Variants in SDCBP observed in about 807,000 individuals in gnomAD.
The protein encoded by SDCBP is syndecan binding protein.
Under a neutral mutation model 30.5 loss-of-function variants are expected in SDCBP, and 22 were observed. That is an observed-to-expected ratio of 0.72 (90% CI 0.52 to 1.03). The LOEUF (loss-of-function observed/expected upper bound fraction) is 1.03, where lower values mean the gene tolerates loss of function less well. Ranked by LOEUF, SDCBP falls within the 50% of genes least tolerant of loss-of-function variation. The pLI is 0.00. For missense variants in SDCBP, 304 were observed against 369.9 expected (o/e 0.82, Z 1.46); for synonymous variants, 103 against 118.7 (o/e 0.87, Z 0.86).
chr8:58,571,480 A>G (rs1805021017), intron 3 of SDCBP, among the ~76,000 whole-genome samples: 1 of 152,186 alleles, frequency 6.6e-6, no homozygotes, highest in Admixed American at 6.5e-5. Flanking sequence ...GAGCTCCTAA[A>G]TACTATGACT....
rs145402264 is a variant in SDCBP, at chr8:58,575,689, A to C, written c.241-211A>C. ...TCAAAGGGCAACAGAGAGTCATTGA[A>C]TCTATTAGAGATGATATGTGTGGGA... On this transcript the variant is annotated intron_variant, in intron 4 of 8. Coordinates refer to ENST00000260130, the MANE Select transcript of SDCBP (RefSeq NM_005625.4). 4.6e-3 allele frequency among the ~76,000 whole-genome samples: 698 copies of C among 152,328 alleles called. 6 individuals carry two copies. Among genetic ancestry groups the C allele is most frequent in the African/African-American group, 0.016 (663 of 41,574 alleles).
At chr8:58,571,640 C>T (rs1774970672) in intron 3 of SDCBP, among the ~76,000 whole-genome samples, 1 of 151,754 alleles carries the variant, frequency 6.6e-6, no homozygotes, top group Non-Finnish European at 1.5e-5. Flanking sequence ...TAGTATATAA[C>T]TACTAATAAG....
chr8:58,576,181 AT>A, intron 5 of SDCBP, 120 bp downstream of exon 5: 1 of 778,630 alleles, frequency 1.3e-6, no homozygotes, highest in Non-Finnish European at 2.0e-6. Context: ...AGTTGAGAAT[AT>A]TTTAAATCTA....
intron 5 of SDCBP, among the ~76,000 whole-genome samples, chr8:58,576,601 A>T (rs906622500): frequency 1.1e-4 from 17 of 152,170 alleles, no homozygotes; most frequent in Non-Finnish European, 2.5e-4. Context: ...ATTTGAATTT[A>T]ATATGTCATT....
intron 2 of SDCBP, among the ~76,000 whole-genome samples, chr8:58,567,571 T>C (rs944571987): frequency 6.6e-6 from 1 of 152,222 alleles, no homozygotes; most frequent in Non-Finnish European, 1.5e-5. Flanking sequence ...TTATATGTTC[T>C]GTGGATTTTG....
chr8:58,562,665 G>A (rs552933618), intron 1 of SDCBP, among the ~76,000 whole-genome samples: 3 of 152,200 alleles, frequency 2.0e-5, no homozygotes, highest in African/African-American at 7.2e-5. Context: ...ACCACACACC[G>A]TGTACAAAAT....
In SDCBP at chr8:58,573,884, G is replaced by T. The variant is rs532817306; in HGVS notation, c.240+1570G>T. On this transcript the variant is annotated intron_variant, in intron 4 of 8. Transcript: ENST00000260130. ...TATCCACACACTTGTACAAACATTT[G>T]AATTTCATGTGACAACAACAACAAC... 2.0e-5 allele frequency among the ~76,000 whole-genome samples: 3 copies of T among 152,208 alleles called. No individual in the cohort carries two copies. The South Asian group carries it at 6.2e-4, about 32-fold the overall frequency.
At chr8:58,557,791 GT>G (rs1189940143) in intron 1 of SDCBP, among the ~76,000 whole-genome samples, 1 of 152,140 alleles carries the variant, frequency 6.6e-6, no homozygotes, top group East Asian at 1.9e-4. Context: ...CCCTTAAAGA[GT>G]AGTGGGAGTT....
intron 8 of SDCBP, among the ~76,000 whole-genome samples, chr8:58,580,902 A>T (rs1805651818): frequency 6.6e-6 from 1 of 152,178 alleles, no homozygotes; most frequent in African/African-American, 2.4e-5. Flanking sequence ...AGTGCAATTG[A>T]CTGCAGTTGC....
At chr8:58,569,322 C>T (rs1804891251) in intron 2 of SDCBP, among the ~76,000 whole-genome samples, 1 of 152,190 alleles carries the variant, frequency 6.6e-6, no homozygotes, top group Non-Finnish European at 1.5e-5. Context: ...CCCACCTCAG[C>T]CTACCAAAGT....
intron 1 of SDCBP, among the ~76,000 whole-genome samples, chr8:58,559,320 T>G (rs1286406388): frequency 1.3e-5 from 2 of 152,210 alleles, no homozygotes; most frequent in Non-Finnish European, 2.9e-5. Context: ...AACATTCTTT[T>G]CAGTGCATTT....
At chr8:58,553,947 A>G (rs774158837) in intron 1 of SDCBP, among the ~76,000 whole-genome samples, 1 of 152,158 alleles carries the variant, frequency 6.6e-6, no homozygotes, top group East Asian at 1.9e-4. Context: ...TTAGAAGGAA[A>G]TACCCCTGAG....
At chr8:58,557,136 T>C (rs1804169547) in intron 1 of SDCBP, among the ~76,000 whole-genome samples, 1 of 108,724 alleles carries the variant, frequency 9.2e-6, no homozygotes, top group Non-Finnish European at 1.7e-5. Flanking sequence ...TAGTATATAT[T>C]ATATACAATA....
intron 5 of SDCBP, 92 bp downstream of exon 5, chr8:58,576,153 T>G: frequency 1.1e-6 from 1 of 916,260 alleles, no homozygotes; most frequent in East Asian, 2.6e-5. Flanking sequence ...AATGCTTTAA[T>G]TATAATAGTG....
chr8:58,581,078 T>C (rs1026148729), intron 8 of SDCBP, among the ~76,000 whole-genome samples: 3 of 152,174 alleles, frequency 2.0e-5, no homozygotes, highest in Non-Finnish European at 4.4e-5. Flanking sequence ...GAACTGAGGA[T>C]TAGAAAGCCA....
chr8:58,561,106 A>G (rs1804417471), intron 1 of SDCBP: 1 of 152,152 alleles, frequency 6.6e-6, no homozygotes, highest in African/African-American at 2.4e-5. Flanking sequence ...TTACTAGAGG[A>G]GTTTAGCAGC....
At chr8:58,572,176 GC>G (rs1805062712) in intron 3 of SDCBP, 28 bp from the exon 4 acceptor site, 1 of 1,366,376 alleles carries the variant, frequency 7.3e-7, no homozygotes. Flanking sequence ...TTCTGTAAGT[GC>G]TTTTTAATTT....
At chr8:58,574,234 T>C (rs1053165710) in intron 4 of SDCBP, among the ~76,000 whole-genome samples, 6 of 152,138 alleles carry the variant, frequency 3.9e-5, no homozygotes, top group Admixed American at 3.9e-4. Context: ...CCCTTCTAAG[T>C]ATTCACATTC....
chr8:58,568,755 A>C (rs1233509532), intron 2 of SDCBP, among the ~76,000 whole-genome samples: 1 of 152,174 alleles, frequency 6.6e-6, no homozygotes, highest in Non-Finnish European at 1.5e-5. Flanking sequence ...TTCATCATTG[A>C]CCAGAACAGG....
Sources: allele counts gnomAD v4.1 joint callset (sites outside exome capture counted in the v4.1 genomes callset), GRCh38; gene constraint gnomAD v4.1.1; transcripts MANE v1.5; gene names NCBI Gene and HGNC (gene_info 2026-07-23, HGNC 2026-07-21).